The following COL11A1 variants were observed in gnomAD, a reference collection of about 807,000 sequenced individuals.
The protein encoded by COL11A1 is collagen type XI alpha 1 chain, also known as collagen alpha-1(XI) chain.
In COL11A1, 74 loss-of-function variants were observed where a neutral mutation model predicts 265.2. The observed-to-expected ratio is 0.28, with a 90% confidence interval of 0.23 to 0.34. COL11A1 has a LOEUF of 0.34. Among genes scored for constraint, COL11A1 ranks in the 10% least tolerant of loss-of-function variants. COL11A1 has a pLI of 1.00. For synonymous variants in COL11A1, 816 were observed against 727.6 expected, an observed-to-expected ratio of 1.12 and a Z score of -1.96; for missense variants, 2,165 against 2,263.6, an observed-to-expected ratio of 0.96 and a Z score of 0.88.
At chr1:102,962,508 C>G in intron 39 of COL11A1, 145 bp downstream of exon 39, 2 of 809,794 alleles carry the variant, frequency 2.5e-6, no homozygotes, top group South Asian at 3.0e-5. Flanking sequence ...TGAGCAATAT[C>G]TTGGAGTACA....
At chr1:103,045,326 A>G (rs948839096) in intron 4 of COL11A1, among the ~76,000 whole-genome samples, 16 of 152,196 alleles carry the variant, frequency 1.1e-4, no homozygotes, top group African/African-American at 3.6e-4. Context: ...GCCAGGTGCT[A>G]CTTGAAAGAA....
intron 66 of COL11A1, 105 bp downstream of exon 66, chr1:102,879,578 C>G: frequency 1.1e-6 from 1 of 939,902 alleles, no homozygotes; most frequent in Non-Finnish European, 1.7e-6. Flanking sequence ...ATGTTAATAA[C>G]AACTGACGTC....
At chr1:102,991,658 C>G (rs1557913933) in intron 28 of COL11A1, among the ~76,000 whole-genome samples, 1 of 152,070 alleles carries the variant, frequency 6.6e-6, no homozygotes, top group Non-Finnish European at 1.5e-5. Flanking sequence ...ATGTTTTGGA[C>G]CTTCAGTAAC....
chr1:103,088,347 GT>G (rs67074206), intron 1 of COL11A1, among the ~76,000 whole-genome samples: 3 of 151,280 alleles, frequency 2.0e-5, no homozygotes. Context: ...ACTTCAAAGA[GT>G]TTTTTTTTGT....
intron 1 of COL11A1, 103 bp downstream of exon 1, chr1:103,107,970 T>C: frequency 2.4e-6 from 2 of 827,438 alleles, no homozygotes; most frequent in Non-Finnish European, 4.0e-6. Context: ...GCTTTTTTTT[T>C]TTTTTCTTGA....
At chr1:102,923,671 A>G (rs1047936738) in intron 46 of COL11A1, among the ~76,000 whole-genome samples, 7 of 152,072 alleles carry the variant, frequency 4.6e-5, no homozygotes, top group Non-Finnish European at 8.8e-5. Flanking sequence ...ATTTATGAAC[A>G]CCCAACCATT....
chr1:103,055,371 T>C (rs1030645100), intron 4 of COL11A1, among the ~76,000 whole-genome samples: 1 of 152,250 alleles, frequency 6.6e-6, no homozygotes, highest in Non-Finnish European at 1.5e-5. Flanking sequence ...GAAGACCTTC[T>C]ACACATTTAC....
chr1:103,010,826 G>A (rs188728084), intron 14 of COL11A1, among the ~76,000 whole-genome samples: 247 of 151,628 alleles, frequency 1.6e-3, no homozygotes, highest in Admixed American at 2.6e-3. Flanking sequence ...TCAGCCTCCC[G>A]AGTAGCTGGG....
chr1:102,995,968 G>A, intron 27 of COL11A1, 21 bp downstream of exon 27: 1 of 1,613,216 alleles, frequency 6.2e-7, no homozygotes, highest in Non-Finnish European at 8.5e-7. Flanking sequence ...AGTAAATAAT[G>A]TGAAAACAAT....
chr1:102,988,442 C>G (rs750121957), intron 29 of COL11A1, among the ~76,000 whole-genome samples: 1 of 152,134 alleles, frequency 6.6e-6, no homozygotes, highest in Non-Finnish European at 1.5e-5. Flanking sequence ...GTTTGCAATT[C>G]CCCTGTCTGG....
chr1:103,067,102 T>A (rs553282129), intron 4 of COL11A1, among the ~76,000 whole-genome samples: 1 of 151,922 alleles, frequency 6.6e-6, no homozygotes, highest in South Asian at 2.1e-4. Flanking sequence ...CCTCAACAAC[T>A]GATAGAACAA....
chr1:103,001,887 T>A (rs764821977), intron 24 of COL11A1, 38 bp downstream of exon 24: 3 of 1,601,684 alleles, frequency 1.9e-6, no homozygotes, highest in Non-Finnish European at 2.6e-6. Flanking sequence ...AAAACAAACA[T>A]GTTCACCAGG....
At chr1:102,897,492 A>G (rs1652584834) in intron 57 of COL11A1, among the ~76,000 whole-genome samples, 1 of 151,972 alleles carries the variant, frequency 6.6e-6, no homozygotes, top group African/African-American at 2.4e-5. Context: ...GAATTATTTT[A>G]AAGGGCAAGT....
rs573432325 is a variant in COL11A1 at position 102,879,705 on chromosome 1, T to C, written c.5252A>G (p.Lys1751Arg). 2.5e-6 allele frequency: 4 copies of C among 1,613,662 alleles called. No individual in the cohort carries two copies. The South Asian group carries it at 3.3e-5, about 13-fold the overall frequency. Reference protein sequence around the residue: ...EMSYDNNPFIKTLYDGCASRK... With the variant: ...EMSYDNNPFIRTLYDGCASRK... ...CACCGCACAACCATCATACAGTGTT[T>C]TGATAAAAGGATTATTGTCATAGGA... is the stretch of plus-strand genomic sequence containing the variant. The change falls in exon 66 of 67, where the codon AAA becomes AGA. Residue 1751 changes from lysine to arginine, a missense_variant. Lys to Arg is a conservative substitution (Grantham distance 26, BLOSUM62 2). Coordinates refer to ENST00000370096, the MANE Select transcript of COL11A1 (RefSeq NM_001854.4).
At chr1:102,910,004 T>C (rs1004122936) in intron 54 of COL11A1, among the ~76,000 whole-genome samples, 1 of 151,994 alleles carries the variant, frequency 6.6e-6, no homozygotes, top group Admixed American at 6.6e-5. Flanking sequence ...ATCAATAGCG[T>C]CAACATTATT....
chr1:103,070,184 C>A, intron 4 of COL11A1, among the ~76,000 whole-genome samples: 1 of 144,716 alleles, frequency 6.9e-6, no homozygotes, highest in South Asian at 2.2e-4. Context: ...TTTGGTGTAG[C>A]TATGTGTTAA....
intron 46 of COL11A1, among the ~76,000 whole-genome samples, chr1:102,931,549 C>T (rs1299309764): frequency 6.6e-6 from 1 of 152,064 alleles, no homozygotes; most frequent in Non-Finnish European, 1.5e-5. Flanking sequence ...TTTTGTGGTG[C>T]TGAAAAAAAT....
At chr1:103,083,535 C>T (rs1672608399) in intron 1 of COL11A1, among the ~76,000 whole-genome samples, 1 of 151,864 alleles carries the variant, frequency 6.6e-6, no homozygotes, top group African/African-American at 2.4e-5. Flanking sequence ...AAATGTGCAC[C>T]TACTTAGTCA....
rs774985706 is a variant in COL11A1 at position 102,883,314 on chromosome 1, A to G, written c.4859-3T>C. 3 of 1,571,412 alleles carry G rather than the reference A, an allele frequency of 1.9e-6. No homozygotes were observed. Among genetic ancestry groups the G allele is most frequent in the Middle Eastern group, 3.4e-4 (2 of 5,962 alleles). ...GTTAGGATCAATCCAATATTCACCT[A>G]GAAGGTAGCAAAAAATATGTCATAT... On this transcript the variant is annotated splice_polypyrimidine_tract_variant and splice_region_variant and intron_variant, in intron 63 of 66. Transcript: ENST00000370096.
Sources: allele counts gnomAD v4.1 joint callset (sites outside exome capture counted in the v4.1 genomes callset), GRCh38; gene constraint gnomAD v4.1.1; transcripts MANE v1.5; gene names NCBI Gene and HGNC (gene_info 2026-07-23, HGNC 2026-07-21).